TMEM255B: variants seen among roughly 807,000 people sequenced by gnomAD.
The protein encoded by TMEM255B is transmembrane protein 255B.
In TMEM255B, 35 loss-of-function variants were observed where a neutral mutation model predicts 34.5. That is an observed-to-expected ratio of 1.01 (90% CI 0.77 to 1.34). TMEM255B has a LOEUF of 1.34. TMEM255B is among the 40% of genes most tolerant of loss of function. The pLI, the probability that TMEM255B is intolerant of heterozygous loss-of-function variation, is 0.00. For missense variants in TMEM255B, 432 were observed against 433.2 expected (o/e 1.00, Z 0.02); for synonymous variants, 206 against 201.2 (o/e 1.02, Z -0.20).
intron 3 of TMEM255B, among the ~76,000 whole-genome samples, chr13:113,786,187 C>T (rs1050564643): frequency 1.3e-5 from 2 of 151,696 alleles, no homozygotes; most frequent in African/African-American, 4.9e-5. Flanking sequence ...TTTACTATCC[C>T]CGCTGTCACC....
intron 6 of TMEM255B, among the ~76,000 whole-genome samples, chr13:113,801,314 G>A (rs2051055704): frequency 6.6e-6 from 1 of 152,226 alleles, no homozygotes; most frequent in Non-Finnish European, 1.5e-5. Context: ...TGGGACAGGG[G>A]CCCGTGACCC....
At chr13:113,811,306 G>C (rs529020135) in intron 8 of TMEM255B, among the ~76,000 whole-genome samples, 24 of 128,554 alleles carry the variant, frequency 1.9e-4, no homozygotes, top group Middle Eastern at 8.4e-3. Flanking sequence ...AGTGGGCCTG[G>C]GCCTGTGGGG....
chr13:113,779,186 G>A (rs2050629278), intron 3 of TMEM255B, among the ~76,000 whole-genome samples: 2 of 152,182 alleles, frequency 1.3e-5, no homozygotes, highest in South Asian at 2.1e-4. Flanking sequence ...GCTGATATTA[G>A]ACATTAGGTT....
chr13:113,784,436 T>C (rs1158148325), intron 3 of TMEM255B, among the ~76,000 whole-genome samples: 2 of 151,990 alleles, frequency 1.3e-5, no homozygotes, highest in African/African-American at 4.8e-5. Context: ...TCAGCTGGAT[T>C]TGTGTCTGGT....
Position 113,778,601 on chromosome 13 carries a change from G to A in TMEM255B, c.252+9441G>A, listed in dbSNP as rs535863138. 1.8e-3 allele frequency among the ~76,000 whole-genome samples: 268 copies of A among 149,542 alleles called. 1 individual carries two copies. Among genetic ancestry groups the A allele is most frequent in the African/African-American group, 6.4e-3 (258 of 40,096 alleles). On this transcript the variant is annotated intron_variant, in intron 3 of 8. Transcript: ENST00000375353. ...CTGTGGTACTGTGGCGTCTTCTCCCGGGTGAGTCTCGATTTCACCTGCTGT... is the reference window on the plus strand; with the variant it reads ...CTGTGGTACTGTGGCGTCTTCTCCCAGGTGAGTCTCGATTTCACCTGCTGT...
intron 4 of TMEM255B, among the ~76,000 whole-genome samples, chr13:113,796,870 A>T (rs1165840722): frequency 6.6e-6 from 1 of 152,214 alleles, no homozygotes; most frequent in Non-Finnish European, 1.5e-5. Flanking sequence ...GTTTCATTAT[A>T]TGAAGGCAAG....
At chr13:113,803,578 T>G (rs1335597966) in intron 7 of TMEM255B, among the ~76,000 whole-genome samples, 1 of 121,120 alleles carries the variant, frequency 8.3e-6, no homozygotes, top group Non-Finnish European at 2.0e-5. Context: ...CCCGGCCCCA[T>G]CCTCAGGCCA....
In TMEM255B at chr13:113,768,205, G is replaced by A. The variant is rs1022142646; in HGVS notation, c.190-893G>A. On this transcript the variant is annotated intron_variant, in intron 2 of 8. Transcript: ENST00000375353. ...GCGCACCTGCGTGGGAGCAAGAGCC[G>A]TCTTAGGCCTCGGCACGGTCGTTGG... The A allele has an allele frequency of 2.5e-5, 12 of 470,852 alleles. 2 individuals are homozygous for A. The Middle Eastern group carries it at 9.8e-4, about 38-fold the overall frequency. 29.2% of individuals were successfully genotyped at this position (470,852 alleles called of 1,614,324 possible). A position where few individuals can be genotyped will look rare whatever the true frequency, so the allele number is the denominator to read the frequency against.
rs9604516 is a variant in TMEM255B at position 113,778,477 on chromosome 13, T to C, written c.252+9317T>C. ...TTCTCCCGGGTGAGTCCCGATTTCA[T>C]CTGCTGTAATGATATGACGATGATC... On this transcript the variant is annotated intron_variant, in intron 3 of 8. Coordinates refer to ENST00000375353, the MANE Select transcript of TMEM255B (RefSeq NM_182614.4). Among the ~76,000 whole-genome samples, 358 of 122,444 alleles carry C rather than the reference T, an allele frequency of 2.9e-3. 1 individual carries two copies. Among genetic ancestry groups the C allele is most frequent in the African/African-American group, 0.01 (309 of 30,718 alleles). The allele number at this position is 122,444 out of a possible 152,430, so 80.3% of individuals were successfully genotyped here. A position where few individuals can be genotyped will look rare whatever the true frequency, so the allele number is the denominator to read the frequency against.
rs2051355785 is a variant in TMEM255B, at chr13:113,812,995, ACGGGTCCCGAGTGGGTCACG to A, written c.*1093_*1112del. ...GTGGGTCACGGGTCCCGGGTGGGTC[ACGGGTCCCGAGTGGGTCACG>A]GGTCCCGGGTGGGTCACAGGCGCCC... On this transcript the variant is annotated 3_prime_UTR_variant, in exon 9 of 9. Coordinates refer to ENST00000375353, the MANE Select transcript of TMEM255B (RefSeq NM_182614.4). The A allele has an allele frequency of 2.2e-5, 3 of 138,320 alleles. No homozygotes were observed. Among genetic ancestry groups the A allele is most frequent in the African/African-American group, 3.4e-5 (1 of 29,390 alleles). The allele number at this position is 138,320 out of a possible 1,614,324, so 8.6% of individuals were successfully genotyped here.
At chr13:113,779,645 C>T (rs886781028) in intron 3 of TMEM255B, among the ~76,000 whole-genome samples, 38 of 152,114 alleles carry the variant, frequency 2.5e-4, no homozygotes, top group Admixed American at 2.4e-3. Context: ...GTAGAGGGAG[C>T]GTCTGCTGAT....
At chr13:113,786,646 T>G (rs1328856790) in intron 3 of TMEM255B, among the ~76,000 whole-genome samples, 1 of 53,978 alleles carries the variant, frequency 1.9e-5, no homozygotes. Flanking sequence ...CCATCATCAC[T>G]GTCGTTACCC....
At position 113,801,818 on chromosome 13, in the gene TMEM255B, G is replaced by A. The variant is rs1216564546; in HGVS notation, c.669+6G>A. 6.3e-7 allele frequency: 1 copy of A among 1,591,482 alleles called. No individual in the cohort carries two copies. Among genetic ancestry groups the A allele is most frequent in the Non-Finnish European group, 8.6e-7 (1 of 1,167,822 alleles). ...TGGGGGCCTTCAAGGACATGGTGAG[G>A]CCCCTTGGTGGGACCCCCGCTGCTC... On this transcript the variant is annotated splice_donor_region_variant and intron_variant, in intron 7 of 8. Transcript: ENST00000375353.
chr13:113,810,227 C>T (rs565269569), intron 8 of TMEM255B, among the ~76,000 whole-genome samples: 51 of 152,232 alleles, frequency 3.4e-4, no homozygotes, highest in African/African-American at 1.2e-3. Flanking sequence ...GCAAGAGGAG[C>T]ACAGAGCACA....
At chr13:113,762,900 G>A (rs769521254) in intron 1 of TMEM255B, among the ~76,000 whole-genome samples, 2 of 152,176 alleles carry the variant, frequency 1.3e-5, no homozygotes, top group Non-Finnish European at 2.9e-5. Context: ...AAGAAAAATC[G>A]CACAACAAAA....
chr13:113,777,846 C>G (rs527859414), intron 3 of TMEM255B, among the ~76,000 whole-genome samples: 33 of 152,346 alleles, frequency 2.2e-4, no homozygotes, highest in Middle Eastern at 3.4e-3. Context: ...TCTGCCTCCC[C>G]CTGAGTGCCT....
chr13:113,792,969 G>A (rs544345848), intron 3 of TMEM255B, among the ~76,000 whole-genome samples: 3 of 152,368 alleles, frequency 2.0e-5, no homozygotes, highest in African/African-American at 2.4e-5. Flanking sequence ...ACGCTGGAGC[G>A]TCCGTGACAC....
chr13:113,799,831 G>C, intron 5 of TMEM255B: 1 of 636,326 alleles, frequency 1.6e-6, no homozygotes. Flanking sequence ...AGTGAGATGC[G>C]GGGAGTAATG....
At chr13:113,771,711 A>G (rs1262578378) in intron 3 of TMEM255B, among the ~76,000 whole-genome samples, 1 of 152,162 alleles carries the variant, frequency 6.6e-6, no homozygotes, top group Non-Finnish European at 1.5e-5. Flanking sequence ...AATAATAATA[A>G]TAATCCACTG....
Sources: gnomAD v4.1 joint callset for allele counts (sites outside exome capture counted in the v4.1 genomes callset) on GRCh38, gnomAD v4.1.1 for gene constraint, MANE v1.5 for transcripts, NCBI Gene and HGNC (gene_info 2026-07-23, HGNC 2026-07-21) for gene names.